The following SYT9 variants were observed in gnomAD, a reference collection of about 807,000 sequenced individuals.
The protein encoded by SYT9 is synaptotagmin 9, also known as synaptotagmin-9.
In SYT9, 22 loss-of-function variants were observed where a neutral mutation model predicts 48.4. The ratio of observed to expected loss-of-function variants is 0.45; its 90% confidence interval spans 0.32 to 0.65. The LOEUF is 0.65. SYT9 is among the 30% of genes least tolerant of loss of function. The probability of loss-of-function intolerance (pLI) is 0.03; values close to 1 mark genes in which losing one functional copy is unlikely to be tolerated. For synonymous variants in SYT9, 265 were observed against 245.0 expected, an observed-to-expected ratio of 1.08 and a Z score of -0.76; for missense variants, 577 against 622.0, an observed-to-expected ratio of 0.93 and a Z score of 0.77.
At chr11:7,365,687 T>C (rs1335945941) in intron 3 of SYT9, among the ~76,000 whole-genome samples, 1 of 152,248 alleles carries the variant, frequency 6.6e-6, no homozygotes, top group East Asian at 1.9e-4. Context: ...CCTCTGGTTC[T>C]CATTACTTTC....
At chr11:7,339,505 A>G (rs763577138) in intron 3 of SYT9, among the ~76,000 whole-genome samples, 1 of 152,034 alleles carries the variant, frequency 6.6e-6, no homozygotes, top group Non-Finnish European at 1.5e-5. Flanking sequence ...TTTCCTTTCT[A>G]TATTTAGTGT....
chr11:7,335,216 A>G (rs1439322826), intron 3 of SYT9, among the ~76,000 whole-genome samples: 1 of 152,164 alleles, frequency 6.6e-6, no homozygotes, highest in African/African-American at 2.4e-5. Flanking sequence ...CATTTCCCTA[A>G]TAACAAATGA....
At position 7,252,054 on chromosome 11, in the gene SYT9, A is replaced by G; in HGVS notation, c.-133A>G. On this transcript the variant is annotated 5_prime_UTR_variant, in exon 1 of 7. Transcript: ENST00000318881. This position sits in a 1 kb window ranked among gnomAD's most constrained non-coding sequence, Gnocchi z 6.3. ...CCGGCTGGGTCTGGGGCTCGGGCTC[A>G]GGCTCGCACCGTTTCTCGGCAGGTC... is the stretch of plus-strand genomic sequence containing the variant. 1 of 1,086,226 alleles carries G rather than the reference A, an allele frequency of 9.2e-7. No individual in the cohort carries two copies. The highest frequency in any genetic ancestry group is 1.2e-6 in the Non-Finnish European group (1 of 833,166). 67.3% of individuals were successfully genotyped at this position (1,086,226 alleles called of 1,614,324 possible). A position where few individuals can be genotyped will look rare whatever the true frequency, so the allele number is the denominator to read the frequency against.
chr11:7,368,395 A>ATGTGCAGGTC (rs1850291409), intron 3 of SYT9, among the ~76,000 whole-genome samples: 2 of 152,110 alleles, frequency 1.3e-5, no homozygotes, highest in Admixed American at 6.6e-5. Flanking sequence ...CATGTGCAGA[A>ATGTGCAGGTC]TGTGCAGGTC....
intron 6 of SYT9, among the ~76,000 whole-genome samples, chr11:7,434,684 G>A (rs79322043): frequency 0.074 from 11,219 of 152,184 alleles, 621 homozygotes; most frequent in Non-Finnish European, 0.12. Flanking sequence ...GGCCTGCAGG[G>A]TGACATCAAC....
At chr11:7,388,286 G>T (rs1564886095) in intron 3 of SYT9, among the ~76,000 whole-genome samples, 1 of 152,082 alleles carries the variant, frequency 6.6e-6, no homozygotes, top group Admixed American at 6.6e-5. Flanking sequence ...TGGGTATAAA[G>T]TTGTTTGTAA....
chr11:7,290,000 T>C (rs1197789332), intron 1 of SYT9, among the ~76,000 whole-genome samples: 1 of 152,358 alleles, frequency 6.6e-6, no homozygotes, highest in African/African-American at 2.4e-5. Context: ...ATACTAATAG[T>C]CGAAACCTGA....
intron 3 of SYT9, among the ~76,000 whole-genome samples, chr11:7,356,013 A>G (rs899251193): frequency 2.0e-5 from 3 of 152,178 alleles, no homozygotes; most frequent in African/African-American, 7.2e-5. Flanking sequence ...ACACTCAAGC[A>G]TTTTCCTTTG....
At chr11:7,385,859 G>A (rs1219526160) in intron 3 of SYT9, among the ~76,000 whole-genome samples, 2 of 151,992 alleles carry the variant, frequency 1.3e-5, no homozygotes, top group African/African-American at 4.8e-5. Flanking sequence ...AAAGAATTTT[G>A]GTTATTCTTG....
At chr11:7,412,816 G>C (rs1387912236) in intron 3 of SYT9, among the ~76,000 whole-genome samples, 1 of 152,172 alleles carries the variant, frequency 6.6e-6, no homozygotes, top group Non-Finnish European at 1.5e-5. Flanking sequence ...GGATGGGCCA[G>C]TCTCATGGTG....
intron 3 of SYT9, among the ~76,000 whole-genome samples, chr11:7,317,341 T>G (rs2133958797): frequency 6.6e-6 from 1 of 152,328 alleles, no homozygotes; most frequent in Non-Finnish European, 1.5e-5. Flanking sequence ...TACCATAAAC[T>G]GGGCAACTTA....
chr11:7,266,142 G>C (rs1459408502), intron 1 of SYT9, among the ~76,000 whole-genome samples: 1 of 152,038 alleles, frequency 6.6e-6, no homozygotes, highest in African/African-American at 2.4e-5. Flanking sequence ...AGCTGAGCTA[G>C]CTCTGAAGGC....
At chr11:7,238,973 C>T in intron 1 of SYT9, 1 of 455,584 alleles carries the variant, frequency 2.2e-6, no homozygotes, top group South Asian at 1.6e-5. Context: ...ATGGCTGTGC[C>T]TGCACCCAGA....
rs1848340472 is a variant in SYT9 at position 7,466,664 on chromosome 11, T to C, written c.1468-128T>C. Reference sequence around the variant, plus strand: ...TGAACCCAGGAGGCGGAGGTTGCAGTGAGCCAAGATCGCGCCACTGCACTC... The same window carrying C: ...TGAACCCAGGAGGCGGAGGTTGCAGCGAGCCAAGATCGCGCCACTGCACTC... On this transcript the variant is annotated intron_variant, in intron 6 of 6. Coordinates refer to ENST00000318881, the MANE Select transcript of SYT9 (RefSeq NM_175733.4). 5.7e-6 allele frequency: 5 copies of C among 871,296 alleles called. No individual in the cohort carries two copies. The East Asian group carries it at 1.5e-4, about 27-fold the overall frequency. 54.0% of individuals were successfully genotyped at this position (871,296 alleles called of 1,614,324 possible).
chr11:7,393,050 A>G lies in SYT9; in HGVS notation c.1045-22992A>G, dbSNP rs1333409810. ...AGAATCATACTGTCAGCAAAGAGAG[A>G]TAATTTGACTTCCTCTTTTCCTATT... On this transcript the variant is annotated intron_variant, in intron 3 of 6. Coordinates refer to ENST00000318881, the MANE Select transcript of SYT9 (RefSeq NM_175733.4). 2.0e-5 allele frequency among the ~76,000 whole-genome samples: 3 copies of G among 152,244 alleles called. No homozygotes were observed. In the East Asian group the frequency reaches 5.8e-4, roughly 29 times the overall value.
intron 3 of SYT9, among the ~76,000 whole-genome samples, chr11:7,344,917 A>G (rs556908472): frequency 7.1e-4 from 88 of 124,434 alleles, no homozygotes; most frequent in African/African-American, 2.6e-3. Context: ...TTTTATAATC[A>G]GCTCATTATT....
intron 4 of SYT9, among the ~76,000 whole-genome samples, chr11:7,417,592 CT>C (rs1847275943): frequency 6.6e-6 from 1 of 152,186 alleles, no homozygotes; most frequent in African/African-American, 2.4e-5. Context: ...CCTGAGGTGG[CT>C]CAGAGCTGGG....
chr11:7,297,834 TC>T (rs1848843350), intron 1 of SYT9, among the ~76,000 whole-genome samples: 1 of 152,258 alleles, frequency 6.6e-6, no homozygotes, highest in South Asian at 2.1e-4. Context: ...TGTAATTTTT[TC>T]TCAGAAGTTT....
intron 3 of SYT9, among the ~76,000 whole-genome samples, chr11:7,374,969 G>T (rs59867186): frequency 2.6e-5 from 4 of 152,008 alleles, no homozygotes; most frequent in South Asian, 2.1e-4. Flanking sequence ...CATTGCTTTC[G>T]GTGTTTTAGT....
Sources: allele counts gnomAD v4.1 joint callset (sites outside exome capture counted in the v4.1 genomes callset), GRCh38; gene constraint gnomAD v4.1.1; non-coding constraint Gnocchi (gnomAD v3.1); transcripts MANE v1.5; gene names NCBI Gene and HGNC (gene_info 2026-07-23, HGNC 2026-07-21).